The following KANK4 variants were observed in gnomAD, a reference collection of about 807,000 sequenced individuals.
KANK4 encodes the protein KN motif and ankyrin repeat domains 4.
A neutral mutation model predicts 80.8 loss-of-function variants in KANK4; 50 were observed. The ratio of observed to expected loss-of-function variants is 0.62; its 90% CI spans 0.49 to 0.78. The LOEUF (loss-of-function observed/expected upper bound fraction) is 0.78, where lower values mean the gene tolerates loss of function less well. KANK4 is among the 30% of genes least tolerant of loss of function. The pLI is 0.00. For missense variants in KANK4, 1,196 were observed against 1,240.1 expected, an observed-to-expected ratio of 0.96 and a Z score of 0.53; for synonymous variants, 465 against 506.9, an observed-to-expected ratio of 0.92 and a Z score of 1.11.
chr1:62,307,459 G>A (rs1644461283), intron 1 of KANK4, among the ~76,000 whole-genome samples: 1 of 127,960 alleles, frequency 7.8e-6, no homozygotes, highest in Admixed American at 9.4e-5. Context: ...TCCAGCCTGG[G>A]TGACAGAAAG....
At chr1:62,253,409 CTT>C (rs34488630) in intron 7 of KANK4, among the ~76,000 whole-genome samples, 200 bp from the exon 8 acceptor site, 15 of 110,972 alleles carry the variant, frequency 1.4e-4, no homozygotes, top group East Asian at 1.1e-3. Flanking sequence ...TTCTTTCTTT[CTT>C]TTTTTTTTTT....
intron 1 of KANK4, among the ~76,000 whole-genome samples, chr1:62,301,297 T>A (rs12718429): frequency 0.23 from 34,714 of 151,962 alleles, 4,324 homozygotes; most frequent in Middle Eastern, 0.35. Flanking sequence ...TGCACGCTCC[T>A]ACTACTGGGT....
At chr1:62,264,740 T>A (rs1200171649) in intron 6 of KANK4, among the ~76,000 whole-genome samples, 1 of 152,230 alleles carries the variant, frequency 6.6e-6, no homozygotes, top group Non-Finnish European at 1.5e-5. Context: ...GTATCTCCTT[T>A]ATCCATGGGA....
In KANK4 at chr1:62,274,915, C is replaced by T. The variant is rs2149144557; in HGVS notation, c.189G>A (p.Gln63=). The stretch of plus-strand genomic sequence containing the variant: ...TTCGGGGCAGAGTGCTAAATTTGGC[C>T]TGCTTGGCCCTTCTGTGGATAGGAA... The part of the protein sequence containing the change: ...KRIPIHRRAK[Q]AKFSTLPRNF... The change falls in exon 3 of 10, where the codon CAG becomes CAA. Residue 63 remains glutamine (Q), a synonymous_variant. Transcript: ENST00000371153. The T allele has an allele frequency of 6.2e-7, 1 of 1,614,166 alleles. No homozygotes were observed. The highest frequency in any genetic ancestry group is 8.5e-7 in the Non-Finnish European group (1 of 1,180,026).
intron 8 of KANK4, among the ~76,000 whole-genome samples, chr1:62,250,620 C>T (rs537114796): frequency 2.7e-4 from 41 of 152,232 alleles, no homozygotes; most frequent in African/African-American, 9.6e-4. Flanking sequence ...GAGTCCCTTG[C>T]CCTCCTACAG....
chr1:62,273,766 C>T lies in KANK4; in HGVS notation c.1338G>A (p.Gly446=), dbSNP rs778922881. The part of the protein sequence containing the change: ...LLGSMESESW[G]HRGEENGLLW... ...GGAGGCCATTCTCCTCTCCTCGGTG[C>T]CCCCAGCTTTCAGACTCCATGCTGC... Residue 446 remains glycine, a synonymous_variant, in exon 3 of 10, where the codon GGG becomes GGA. Transcript: ENST00000371153. The T allele has an allele frequency of 2.2e-5, 36 of 1,614,082 alleles. No homozygotes were observed. Among genetic ancestry groups the T allele is most frequent in the South Asian group, 1.4e-4 (13 of 91,078 alleles).
intron 1 of KANK4, among the ~76,000 whole-genome samples, chr1:62,310,581 C>T (rs941185385): frequency 2.6e-5 from 4 of 152,128 alleles, no homozygotes; most frequent in East Asian, 3.9e-4. Context: ...ATGACAGATG[C>T]GGCACTGGGC....
intron 1 of KANK4, among the ~76,000 whole-genome samples, chr1:62,298,470 C>A (rs960610507): frequency 5.3e-5 from 8 of 152,174 alleles, no homozygotes; most frequent in Non-Finnish European, 1.2e-4. Context: ...GCATTTCCAA[C>A]AAGCTCTCAA....
chr1:62,305,476 T>C (rs1018471712), intron 1 of KANK4, among the ~76,000 whole-genome samples: 2 of 151,938 alleles, frequency 1.3e-5, no homozygotes, highest in Non-Finnish European at 2.9e-5. Context: ...GCCTGGCTAA[T>C]TTTTTTGTAT....
chr1:62,311,405 A>G (rs1644497487), intron 1 of KANK4, among the ~76,000 whole-genome samples: 1 of 152,118 alleles, frequency 6.6e-6, no homozygotes, highest in Non-Finnish European at 1.5e-5. Context: ...GATAAAAGGT[A>G]GCAAAAAAAA....
chr1:62,299,113 G>C (rs1444082158), intron 1 of KANK4, among the ~76,000 whole-genome samples: 1 of 152,022 alleles, frequency 6.6e-6, no homozygotes, highest in Non-Finnish European at 1.5e-5. Flanking sequence ...CTGGATTACA[G>C]TGGTTAAAAT....
In KANK4 at chr1:62,237,570, A is replaced by C. The variant is rs1456922704; in HGVS notation, c.*707T>G. ...TTACATAGCAACTTACTAGATAATA[A>C]ATTTCTTAATTAATTCCAATTTCCC... On this transcript the variant is annotated 3_prime_UTR_variant, in exon 10 of 10. Transcript: ENST00000371153. 6.6e-6 allele frequency: 1 copy of C among 152,110 alleles called. No individual in the cohort carries two copies. The highest frequency in any genetic ancestry group is 1.5e-5 in the Non-Finnish European group (1 of 68,030). 9.4% of individuals were successfully genotyped at this position (152,110 alleles called of 1,614,324 possible).
chr1:62,276,080 T>C (rs886217039), intron 2 of KANK4, among the ~76,000 whole-genome samples: 1 of 151,648 alleles, frequency 6.6e-6, no homozygotes, highest in African/African-American at 2.4e-5. Flanking sequence ...ACCCATACCC[T>C]GGGGGGCCAT....
chr1:62,283,276 C>T (rs879647348), intron 1 of KANK4, among the ~76,000 whole-genome samples: 7 of 152,160 alleles, frequency 4.6e-5, no homozygotes, highest in Non-Finnish European at 7.4e-5. Context: ...TACTAAGCAA[C>T]GGGCAGAGCT....
At chr1:62,312,622 C>A (rs1440787979) in intron 1 of KANK4, among the ~76,000 whole-genome samples, 1 of 152,224 alleles carries the variant, frequency 6.6e-6, no homozygotes. Flanking sequence ...CTGCCCACCC[C>A]TCTCATCCAA....
intron 1 of KANK4, among the ~76,000 whole-genome samples, chr1:62,289,780 C>A (rs1448232783): frequency 6.6e-6 from 1 of 152,148 alleles, no homozygotes; most frequent in Non-Finnish European, 1.5e-5. Context: ...TGCCACCTGG[C>A]TACAGCAATT....
chr1:62,277,205 C>T (rs1440798555), intron 2 of KANK4, among the ~76,000 whole-genome samples: 1 of 152,132 alleles, frequency 6.6e-6, no homozygotes. Context: ...CAGGCTTCTT[C>T]CCTGACTTAT....
At chr1:62,275,108 T>TAA in intron 2 of KANK4, 21 bp from the exon 3 acceptor site, 10 of 1,240,758 alleles carry the variant, frequency 8.1e-6, no homozygotes, top group Admixed American at 2.6e-5. Context: ...TAAGACAAGT[T>TAA]AAAAAAAAAA....
chr1:62,276,162 A>G (rs2149145808), intron 2 of KANK4, among the ~76,000 whole-genome samples: 1 of 152,318 alleles, frequency 6.6e-6, no homozygotes, highest in Admixed American at 6.5e-5. Context: ...TGACTCCAAC[A>G]GAGGACACTG....
Sources: gnomAD v4.1 joint callset for allele counts (sites outside exome capture counted in the v4.1 genomes callset) on GRCh38, gnomAD v4.1.1 for gene constraint, MANE v1.5 for transcripts, NCBI Gene and HGNC (gene_info 2026-07-23, HGNC 2026-07-21) for gene names.